SDK1: variants seen among roughly 807,000 people sequenced by gnomAD.
SDK1 encodes the protein protein sidekick-1.
SDK1 carries 157 observed loss-of-function variants against 245.5 expected under a neutral mutation model. The ratio of observed to expected loss-of-function variants is 0.64; its 90% confidence interval spans 0.56 to 0.73. The LOEUF is 0.73. SDK1 is among the 30% of genes least tolerant of loss of function. The pLI, the probability that SDK1 is intolerant of heterozygous loss-of-function variation, is 0.00. For missense variants in SDK1, 3,583 were observed against 3,002.3 expected (o/e 1.19, Z -4.52); for synonymous variants, 1,647 against 1,278.5 (o/e 1.29, Z -6.15).
chr7:3,952,009 G>C, intron 7 of SDK1, 89 bp downstream of exon 7: 1 of 1,252,904 alleles, frequency 8.0e-7, no homozygotes, highest in East Asian at 2.4e-5. Context: ...GCGTATTTCA[G>C]TGGCTTTATT....
At chr7:3,411,132 G>A (rs1012048788) in intron 1 of SDK1, among the ~76,000 whole-genome samples, 3 of 152,090 alleles carry the variant, frequency 2.0e-5, no homozygotes, top group South Asian at 2.1e-4. Flanking sequence ...GAGCTCCTGC[G>A]GAAGACCAAG....
chr7:3,493,087 A>G (rs1398506883), intron 1 of SDK1, among the ~76,000 whole-genome samples: 3 of 152,058 alleles, frequency 2.0e-5, no homozygotes, highest in Non-Finnish European at 2.9e-5. Context: ...AGTAGCTGGG[A>G]CTACAGGTGC....
intron 1 of SDK1, among the ~76,000 whole-genome samples, chr7:3,373,933 A>G (rs1165644946): frequency 1.3e-5 from 2 of 152,242 alleles, no homozygotes; most frequent in Non-Finnish European, 2.9e-5. Context: ...GAAGAAAACC[A>G]TAAAACTTTA....
chr7:3,584,334 G>T (rs762331790), intron 1 of SDK1, among the ~76,000 whole-genome samples: 20 of 152,070 alleles, frequency 1.3e-4, no homozygotes, highest in African/African-American at 4.3e-4. Flanking sequence ...CTTGCCTGGC[G>T]TTCCCTGTCT....
intron 5 of SDK1, among the ~76,000 whole-genome samples, chr7:3,858,956 AG>A (rs1260881515): frequency 1.4e-5 from 2 of 146,972 alleles, no homozygotes; most frequent in Non-Finnish European, 3.0e-5. Flanking sequence ...TCCACCCACC[AG>A]GTCCACGGCA....
intron 1 of SDK1, among the ~76,000 whole-genome samples, chr7:3,305,147 C>G (rs1779384441): frequency 6.6e-6 from 1 of 152,160 alleles, no homozygotes; most frequent in South Asian, 2.1e-4. Flanking sequence ...TAGCTTTTCA[C>G]TTATGTATCG....
Position 3,624,988 on chromosome 7 carries a change from A to T in SDK1, c.458+5749A>T, listed in dbSNP as rs2568529. Among the ~76,000 whole-genome samples the T allele has an allele frequency of 3.9e-5, 6 of 152,172 alleles. 1 individual carries two copies. The highest frequency in any genetic ancestry group is 1.4e-4 in the African/African-American group (6 of 41,502). On this transcript the variant is annotated intron_variant, in intron 2 of 44. Coordinates refer to ENST00000404826, the MANE Select transcript of SDK1 (RefSeq NM_152744.4). ...CGGGAGGCGGAGGTTGCAGTAAGCC[A>T]AGATCATGCCATTGCACTCCAGCCT...
chr7:3,874,068 C>G (rs1256823800), intron 5 of SDK1, among the ~76,000 whole-genome samples: 1 of 152,080 alleles, frequency 6.6e-6, no homozygotes, highest in East Asian at 1.9e-4. Flanking sequence ...ACACTGAGGT[C>G]AATATTTTGT....
rs71032914 is a variant in SDK1, at chr7:3,906,617, CTTTTTTTTTTTT to C, written c.848-44289_848-44278del. Among the ~76,000 whole-genome samples the C allele has an allele frequency of 1.9e-4, 11 of 57,250 alleles. 1 individual carries two copies. In the East Asian group the frequency reaches 6.7e-3, roughly 35 times the overall value. The allele number at this position is 57,250 out of a possible 152,430, so 37.6% of individuals were successfully genotyped here. A position where few individuals can be genotyped will look rare whatever the true frequency, so the allele number is the denominator to read the frequency against. On this transcript the variant is annotated intron_variant, in intron 5 of 44. Transcript: ENST00000404826. ...CAAGACACAGGTAGCATTTCAGTGTCTTTTTTTTTTTTTTTTTTTTTTTTTTTTGAGACAGAG... is the reference window on the plus strand; with the variant it reads ...CAAGACACAGGTAGCATTTCAGTGTCTTTTTTTTTTTTTTTTGAGACAGAG...
chr7:3,765,015 G>A (rs1048682217), intron 4 of SDK1, among the ~76,000 whole-genome samples: 1 of 152,070 alleles, frequency 6.6e-6, no homozygotes, highest in Non-Finnish European at 1.5e-5. Flanking sequence ...AGTATAAAAT[G>A]TAATATGGTA....
intron 32 of SDK1, among the ~76,000 whole-genome samples, chr7:4,166,827 G>T (rs1456132389): frequency 6.6e-6 from 1 of 152,206 alleles, no homozygotes; most frequent in African/African-American, 2.4e-5. Flanking sequence ...GGAGAGTTAG[G>T]CCCTGCCCTG....
intron 1 of SDK1, among the ~76,000 whole-genome samples, chr7:3,352,806 A>T (rs1006719585): frequency 6.6e-6 from 1 of 151,898 alleles, no homozygotes; most frequent in African/African-American, 2.4e-5. Flanking sequence ...TCTGAGGAGC[A>T]TGAAAAAATT....
intron 20 of SDK1, among the ~76,000 whole-genome samples, chr7:4,076,643 G>A (rs1218942765): frequency 2.6e-5 from 4 of 152,188 alleles, no homozygotes; most frequent in East Asian, 1.9e-4. Flanking sequence ...AGAGAAGGTC[G>A]AATTGAGCAC....
intron 1 of SDK1, among the ~76,000 whole-genome samples, chr7:3,461,527 C>T (rs1780830533): frequency 6.6e-6 from 1 of 152,134 alleles, no homozygotes; most frequent in Non-Finnish European, 1.5e-5. Context: ...GCAACAGTTG[C>T]TGTGGAGTGG....
intron 4 of SDK1, among the ~76,000 whole-genome samples, chr7:3,749,788 G>C (rs934338576): frequency 3.3e-5 from 5 of 152,156 alleles, no homozygotes; most frequent in Non-Finnish European, 7.4e-5. Context: ...TCTAATGGTA[G>C]TCATGGACCC....
intron 5 of SDK1, among the ~76,000 whole-genome samples, chr7:3,881,108 C>G (rs1349470775): frequency 6.6e-6 from 1 of 151,818 alleles, no homozygotes; most frequent in East Asian, 1.9e-4. Flanking sequence ...TTTTCTTCAG[C>G]TTTTAAGTTC....
chr7:3,692,249 A>G (rs1320341660), intron 4 of SDK1, among the ~76,000 whole-genome samples: 3 of 152,188 alleles, frequency 2.0e-5, no homozygotes, highest in Non-Finnish European at 2.9e-5. Context: ...TAAGAAAAAA[A>G]TAGGAATAAA....
intron 1 of SDK1, among the ~76,000 whole-genome samples, chr7:3,596,876 G>A (rs1781085117): frequency 6.6e-6 from 1 of 152,062 alleles, no homozygotes; most frequent in African/African-American, 2.4e-5. Context: ...TAGAAGTGAG[G>A]TACAGGTACA....
At chr7:3,449,353 G>T (rs1780442462) in intron 1 of SDK1, among the ~76,000 whole-genome samples, 1 of 151,028 alleles carries the variant, frequency 6.6e-6, no homozygotes, top group South Asian at 2.1e-4. Context: ...CAGGCTTGGT[G>T]GTACAAAATC....
Sources: gnomAD v4.1 joint callset for allele counts (sites outside exome capture counted in the v4.1 genomes callset) on GRCh38, gnomAD v4.1.1 for gene constraint, MANE v1.5 for transcripts, NCBI Gene and HGNC (gene_info 2026-07-23, HGNC 2026-07-21) for gene names.